The following ABCG5 variants were observed in gnomAD, a reference collection of about 807,000 sequenced individuals.
The protein encoded by ABCG5 is ATP-binding cassette sub-family G member 5.
In ABCG5, 64 loss-of-function variants were observed where a neutral mutation model predicts 64.5. The observed-to-expected ratio is 0.99, with a 90% CI of 0.81 to 1.22. The LOEUF is 1.22. Ranked by LOEUF, ABCG5 falls within the 50% of genes most tolerant of loss-of-function variation. The pLI is 0.00. For synonymous variants in ABCG5, 385 were observed against 326.3 expected, an observed-to-expected ratio of 1.18 and a Z score of -1.94; for missense variants, 908 against 829.5, an observed-to-expected ratio of 1.09 and a Z score of -1.16.
At chr2:43,822,983 A>T (rs756203196) in intron 9 of ABCG5, 48 bp from the exon 10 acceptor site, 46 of 1,607,982 alleles carry the variant, frequency 2.9e-5, no homozygotes, top group Non-Finnish European at 3.8e-5. Flanking sequence ...CACCCAGCTG[A>T]AAAAGGGAGG....
rs751766325 is a variant in ABCG5, at chr2:43,824,179, G to A, written c.1118+40C>T. The A allele has an allele frequency of 3.5e-5, 56 of 1,613,870 alleles. No individual in the cohort carries two copies. In the South Asian group the frequency reaches 5.8e-4, roughly 17 times the overall value. On this transcript the variant is annotated intron_variant, in intron 8 of 12. Transcript: ENST00000405322. ...GAATTGTTATTGGGGGATGGCTAAA[G>A]ACCTCTAACAGGCATTTCTCACATT...
chr2:43,817,161 T>G (rs924329231), intron 11 of ABCG5, among the ~76,000 whole-genome samples: 2 of 152,220 alleles, frequency 1.3e-5, no homozygotes, highest in African/African-American at 4.8e-5. Flanking sequence ...CTGAGAACAT[T>G]TAGTATTCTT....
At chr2:43,820,169 T>C (rs1278603729) in intron 10 of ABCG5, 69 bp from the exon 11 acceptor site, 1 of 1,528,200 alleles carries the variant, frequency 6.5e-7, no homozygotes, top group Non-Finnish European at 8.9e-7. Context: ...TGCACTTGCC[T>C]CTGTGAATAA....
rs1303059975 is a variant in ABCG5, at chr2:43,832,019, C to A, written c.330G>T (p.Leu110=). The A allele has an allele frequency of 1.9e-6, 3 of 1,570,540 alleles. No homozygotes were observed. Among genetic ancestry groups the A allele is most frequent in the Non-Finnish European group, 2.6e-6 (3 of 1,158,148 alleles). Residue 110 remains leucine (L), a synonymous_variant, in exon 3 of 13, where the codon CTG becomes CTT. Coordinates refer to ENST00000405322, the MANE Select transcript of ABCG5 (RefSeq NM_022436.3). ...SGRLGRAGTF[L]GEVYVNGRAL... is the part of the protein sequence containing the mutation. Reference sequence around the variant, plus strand: ...CCCGGCCGTTCACATACACCTCCCCCAGGAAGGTCCCCGCGCGCCCCAGCC... The same window carrying A: ...CCCGGCCGTTCACATACACCTCCCCAAGGAAGGTCCCCGCGCGCCCCAGCC...
intron 4 of ABCG5, among the ~76,000 whole-genome samples, chr2:43,829,618 T>C (rs1359875772): frequency 6.6e-6 from 1 of 152,224 alleles, no homozygotes; most frequent in African/African-American, 2.4e-5. Context: ...TCCAGAGACC[T>C]GTTCACAAAT....
At chr2:43,831,730 T>C in intron 4 of ABCG5, 39 bp downstream of exon 4, 1 of 1,534,330 alleles carries the variant, frequency 6.5e-7, no homozygotes, top group Non-Finnish European at 8.8e-7. Flanking sequence ...GGTGCAAAGG[T>C]ACTCAGTTTG....
chr2:43,831,688 C>T (rs1667953287), intron 4 of ABCG5, 81 bp downstream of exon 4: 1 of 1,367,522 alleles, frequency 7.3e-7, no homozygotes, highest in Admixed American at 2.0e-5. Flanking sequence ...AAGGAATGGG[C>T]AAGCGTAGGC....
chr2:43,815,911 A>AAG (rs1491319608), intron 11 of ABCG5, among the ~76,000 whole-genome samples: 1 of 50,122 alleles, frequency 2.0e-5, no homozygotes, highest in Non-Finnish European at 3.5e-5. Flanking sequence ...ACAGGAAAAG[A>AAG]AAAAAAAAAA....
chr2:43,835,262 G>C (rs200710682), intron 2 of ABCG5, among the ~76,000 whole-genome samples: 3 of 50,104 alleles, frequency 6.0e-5, no homozygotes, highest in Admixed American at 5.4e-4. Context: ...GTGCACTTCT[G>C]AGCATTGGCC....
downstream of ABCG5, chr2:43,809,727 G>A (rs778407624): frequency 6.8e-6 from 11 of 1,611,820 alleles, no homozygotes; most frequent in South Asian, 1.1e-5. Context: ...TACAAAAGAA[G>A]TTCTTCCAAG....
At chr2:43,825,081 T>C in intron 6 of ABCG5, 63 bp from the exon 7 acceptor site, 1 of 1,593,870 alleles carries the variant, frequency 6.3e-7, no homozygotes, top group Non-Finnish European at 8.6e-7. Context: ...TTTGAATGTC[T>C]CTGGGAACAC....
chr2:43,832,053 A>G lies in ABCG5; in HGVS notation c.296T>C (p.Met99Thr). The G allele has an allele frequency of 6.3e-7, 1 of 1,582,456 alleles. No individual in the cohort carries two copies. Residue 99 changes from methionine (M) to threonine (T), a missense_variant, in exon 3 of 13, where the codon ATG (methionine) becomes ACG (threonine). Physicochemically the swap from Met to Thr is moderately conservative, Grantham distance 81. Transcript: ENST00000405322. The stretch of plus-strand genomic sequence containing the variant: ...CCCCGCGCGCCCCAGCCTCCCGGAC[A>G]TGGCGTCCAGCAGCGTGGTTTTCCC... Reference protein sequence around the residue: ...GSGKTTLLDAMSGRLGRAGTF... With the variant: ...GSGKTTLLDATSGRLGRAGTF...
intron 11 of ABCG5, among the ~76,000 whole-genome samples, chr2:43,819,502 A>G (rs1376765991): frequency 6.7e-6 from 1 of 148,966 alleles, no homozygotes; most frequent in Non-Finnish European, 1.5e-5. Context: ...TTGTCTGACT[A>G]GTCTTAATTC....
the ABCG5 span, among the ~76,000 whole-genome samples, chr2:43,806,966 T>C: frequency 6.6e-6 from 1 of 152,178 alleles, no homozygotes; most frequent in Non-Finnish European, 1.5e-5. Flanking sequence ...ATTTGTGTGG[T>C]TTTAGACGAA....
Position 43,838,154 on chromosome 2 carries a change from T to C in ABCG5, c.144-199A>G. The C allele has an allele frequency of 1.5e-6, 1 of 669,572 alleles. No individual in the cohort carries two copies. The highest frequency in any genetic ancestry group is 2.5e-6 in the Non-Finnish European group (1 of 396,996). 41.5% of individuals were successfully genotyped at this position (669,572 alleles called of 1,614,324 possible). ...CTGTCTGCCACGTAGGGAGGGGGCCTGTGCTGGAGTTGCTCTGAATGTCCT... is the reference window on the plus strand; with the variant it reads ...CTGTCTGCCACGTAGGGAGGGGGCCCGTGCTGGAGTTGCTCTGAATGTCCT... On this transcript the variant is annotated intron_variant, in intron 1 of 12. Coordinates refer to ENST00000405322, the MANE Select transcript of ABCG5 (RefSeq NM_022436.3). The surrounding 1 kb of genome is among the most constrained non-coding windows in gnomAD (Gnocchi z 4.2).
downstream of ABCG5, among the ~76,000 whole-genome samples, chr2:43,808,446 G>T (rs757584738): frequency 2.0e-5 from 3 of 152,194 alleles, no homozygotes; most frequent in Non-Finnish European, 2.9e-5. Context: ...TAGCCAAAGG[G>T]CATTGATTGC....
In ABCG5 at chr2:43,831,811, C is replaced by G; in HGVS notation, c.459G>C (p.Leu153=). ...TVRETLHYTA[L]LAIRRGNPGS... The stretch of plus-strand genomic sequence containing the variant: ...CGGGATTGCCGCGGCGGATGGCCAG[C>G]AGCGCGGTGTAGTGCAGCGTCTCGC... The change falls in exon 4 of 13, where the codon CTG becomes CTC. Residue 153 remains leucine (L), a synonymous_variant. Coordinates refer to ENST00000405322, the MANE Select transcript of ABCG5 (RefSeq NM_022436.3). 6.3e-7 allele frequency: 1 copy of G among 1,590,554 alleles called. No individual in the cohort carries two copies. The highest frequency in any genetic ancestry group is 1.3e-5 in the African/African-American group (1 of 74,900).
intron 9 of ABCG5, 41 bp downstream of exon 9, chr2:43,823,872 T>A (rs1239580825): frequency 6.2e-7 from 1 of 1,603,268 alleles, no homozygotes; most frequent in Non-Finnish European, 8.5e-7. Flanking sequence ...AGGGAGGTAT[T>A]TAGGGAGAAA....
downstream of ABCG5, among the ~76,000 whole-genome samples, chr2:43,811,898 C>A (rs1228707024): frequency 6.6e-6 from 1 of 152,072 alleles, no homozygotes; most frequent in Non-Finnish European, 1.5e-5. Context: ...CTGGCCAGAA[C>A]CCATTTTTAA....
Sources: gnomAD v4.1 joint callset for allele counts (sites outside exome capture counted in the v4.1 genomes callset) on GRCh38, gnomAD v4.1.1 for gene constraint, Gnocchi (gnomAD v3.1) non-coding constraint, MANE v1.5 for transcripts, NCBI Gene and HGNC (gene_info 2026-07-23, HGNC 2026-07-21) for gene names.